The following IPMK variants were observed in gnomAD, a reference collection of about 807,000 sequenced individuals.
IPMK encodes the protein inositol 1,3,4,6-tetrakisphosphate 5-kinase.
Under a neutral mutation model 45.8 loss-of-function variants are expected in IPMK, and 17 were observed. The ratio of observed to expected loss-of-function variants is 0.37; its 90% CI spans 0.25 to 0.56. The LOEUF is 0.56. Ranked by LOEUF, IPMK falls within the 20% of genes least tolerant of loss-of-function variation. The pLI is 0.79. For synonymous variants in IPMK, 180 were observed against 184.3 expected (o/e 0.98, Z 0.19); for missense variants, 399 against 498.0 (o/e 0.80, Z 1.89).
chr10:58,237,947 A>G, intron 1 of IPMK, 133 bp from the exon 2 acceptor site: 2 of 645,030 alleles, frequency 3.1e-6, no homozygotes, highest in Non-Finnish European at 5.4e-6. Flanking sequence ...CTTATTTCAG[A>G]AATTTTAACA....
chr10:58,203,612 G>C (rs997354568), intron 4 of IPMK, among the ~76,000 whole-genome samples: 10 of 152,146 alleles, frequency 6.6e-5, no homozygotes, highest in African/African-American at 2.2e-4. Flanking sequence ...CACTGCCCCT[G>C]GCCTCAGAGT....
At chr10:58,249,661 G>T (rs2790183) in intron 1 of IPMK, among the ~76,000 whole-genome samples, 22,764 of 152,154 alleles carry the variant, frequency 0.15, 2,335 homozygotes, top group African/African-American at 0.29. Flanking sequence ...CTGTCACTCT[G>T]TTGATTGTTT....
At chr10:58,247,737 A>T (rs913826097) in intron 1 of IPMK, among the ~76,000 whole-genome samples, 3 of 152,208 alleles carry the variant, frequency 2.0e-5, no homozygotes, top group Non-Finnish European at 2.9e-5. Context: ...GCACAACAGC[A>T]TGGCACATGT....
intron 3 of IPMK, among the ~76,000 whole-genome samples, chr10:58,222,612 CTA>C (rs1838354531): frequency 6.6e-6 from 1 of 152,060 alleles, no homozygotes; most frequent in East Asian, 1.9e-4. Context: ...CAAGAGGTAA[CTA>C]TGTTTAGAAA....
intron 1 of IPMK, among the ~76,000 whole-genome samples, chr10:58,243,136 G>GA (rs1329301411): frequency 2.6e-5 from 4 of 151,796 alleles, no homozygotes; most frequent in East Asian, 1.9e-4. Flanking sequence ...ACTATCCTAG[G>GA]AAAAAAATCA....
At chr10:58,264,652 T>C (rs555946855) in intron 1 of IPMK, among the ~76,000 whole-genome samples, 2 of 152,294 alleles carry the variant, frequency 1.3e-5, no homozygotes, top group South Asian at 4.1e-4. Flanking sequence ...TATACAAGAA[T>C]GTTTAATAAG....
rs748319518 is a variant in IPMK, at chr10:58,267,563, G to A, written c.49C>T (p.Pro17Ser). 4.3e-6 allele frequency: 7 copies of A among 1,609,918 alleles called. No individual in the cohort carries two copies. The highest frequency in any genetic ancestry group is 5.9e-6 in the Non-Finnish European group (7 of 1,178,496). Residue 17 changes from proline (P) to serine (S), a missense_variant, in exon 1 of 6, where the codon CCA becomes TCA. This residue lies in a region of IPMK where 111 missense variants were observed against 99.9 expected (regional missense o/e 1.11). Coordinates refer to ENST00000373935, the MANE Select transcript of IPMK (RefSeq NM_152230.5). ...SPLRVEAPGP[P>S]EMRTSPAIES... ...ATCGCCGGTGAGGTCCGCATTTCTG[G>A]GGGGCCCGGCGCCTCGACCCGGAGG...
chr10:58,254,991 G>A (rs1443540186), intron 1 of IPMK, among the ~76,000 whole-genome samples: 1 of 152,322 alleles, frequency 6.6e-6, no homozygotes, highest in Admixed American at 6.5e-5. Context: ...TCCCAAACTG[G>A]GGAAAACTTT....
chr10:58,197,326 A>AATACATACATAC (rs1554822222), intron 5 of IPMK, among the ~76,000 whole-genome samples: 1 of 146,430 alleles, frequency 6.8e-6, no homozygotes, highest in African/African-American at 2.6e-5. Flanking sequence ...TAAATAAATA[A>AATACATACATAC]ATACATAAAT....
intron 4 of IPMK, among the ~76,000 whole-genome samples, chr10:58,205,003 G>A (rs1838051510): frequency 6.6e-6 from 1 of 152,130 alleles, no homozygotes; most frequent in South Asian, 2.1e-4. Flanking sequence ...ATCAACAAAT[G>A]GTGCTGGGAC....
At chr10:58,220,888 T>TGG (rs1191654381) in intron 3 of IPMK, among the ~76,000 whole-genome samples, 1 of 152,200 alleles carries the variant, frequency 6.6e-6, no homozygotes, top group South Asian at 2.1e-4. Flanking sequence ...AAGTCACTGA[T>TGG]AAGTATTAAA....
At position 58,193,698 on chromosome 10, in the gene IPMK, G is replaced by A. The variant is rs186931618; in HGVS notation, c.*2378C>T. ...TGTTTCATAGGGGAAAAAAAACTATGAGAATCCTATTAACCCAAACTATAT... is the reference window on the plus strand; with the variant it reads ...TGTTTCATAGGGGAAAAAAAACTATAAGAATCCTATTAACCCAAACTATAT... On this transcript the variant is annotated 3_prime_UTR_variant, in exon 6 of 6. Transcript: ENST00000373935. 1.3e-5 allele frequency: 2 copies of A among 151,696 alleles called. No individual in the cohort carries two copies. The highest frequency in any genetic ancestry group is 6.6e-5 in the Admixed American group (1 of 15,254). The allele number at this position is 151,696 out of a possible 1,614,324, so 9.4% of individuals were successfully genotyped here.
chr10:58,246,217 G>T (rs973792820), intron 1 of IPMK, among the ~76,000 whole-genome samples: 5 of 148,684 alleles, frequency 3.4e-5, no homozygotes, highest in Non-Finnish European at 7.4e-5. Context: ...TCGTGAAAAT[G>T]GCCATACTGC....
At position 58,194,555 on chromosome 10, in the gene IPMK, CAGGT is replaced by C. The variant is rs1026939392; in HGVS notation, c.*1517_*1520del. ...TTTAGTTGGTACTTCTGTTTGGACT[CAGGT>C]ATTTGCAAAGTGCCCTCAGAGAAGG... On this transcript the variant is annotated 3_prime_UTR_variant, in exon 6 of 6. Transcript: ENST00000373935. 2.2e-4 allele frequency: 33 copies of C among 151,972 alleles called. 1 individual carries two copies. The highest frequency in any genetic ancestry group is 7.5e-4 in the African/African-American group (31 of 41,532). 9.4% of individuals were successfully genotyped at this position (151,972 alleles called of 1,614,324 possible).
At chr10:58,213,940 T>A (rs1396722638) in intron 4 of IPMK, among the ~76,000 whole-genome samples, 2 of 152,184 alleles carry the variant, frequency 1.3e-5, no homozygotes, top group Non-Finnish European at 2.9e-5. Context: ...GAAGCCAGAT[T>A]AGAATGAGCC....
At chr10:58,265,270 A>G (rs1588976113) in intron 1 of IPMK, among the ~76,000 whole-genome samples, 1 of 152,198 alleles carries the variant, frequency 6.6e-6, no homozygotes, top group Non-Finnish European at 1.5e-5. Flanking sequence ...AATAGGTAAA[A>G]TAATTCTAAA....
At position 58,267,789 on chromosome 10, in the gene IPMK, C is replaced by G. The variant is rs1839177065; in HGVS notation, c.-178G>C. 1.6e-5 allele frequency: 9 copies of G among 552,300 alleles called. No homozygotes were observed. In the South Asian group the frequency reaches 2.0e-4, roughly 12 times the overall value. 34.2% of individuals were successfully genotyped at this position (552,300 alleles called of 1,614,324 possible). On this transcript the variant is annotated 5_prime_UTR_variant, in exon 1 of 6. Transcript: ENST00000373935. ...CCATGACGCCGCCGGGGCGCGGGCG[C>G]TCCTCTGCCCAACTCTCGGCGGAAC...
chr10:58,244,163 C>A (rs1243953243), intron 1 of IPMK, among the ~76,000 whole-genome samples: 40 of 149,242 alleles, frequency 2.7e-4, no homozygotes, highest in African/African-American at 9.2e-4. Context: ...CGTCTCTGCC[C>A]GGCCGCCCCG....
chr10:58,264,704 AATCTATG>A (rs1322890989), intron 1 of IPMK, among the ~76,000 whole-genome samples: 1 of 152,216 alleles, frequency 6.6e-6, no homozygotes, highest in African/African-American at 2.4e-5. Flanking sequence ...AAAGTCTAAA[AATCTATG>A]ATTACAGAAA....
Sources: gnomAD v4.1 joint callset for allele counts (sites outside exome capture counted in the v4.1 genomes callset) on GRCh38, gnomAD v4.1.1 for gene constraint, gnomAD v4.1.1 regional missense constraint, MANE v1.5 for transcripts, NCBI Gene and HGNC (gene_info 2026-07-23, HGNC 2026-07-21) for gene names.